Variants in ARHGEF18 observed in about 807,000 individuals in gnomAD.
ARHGEF18 encodes Rho/Rac guanine nucleotide exchange factor 18.
In ARHGEF18, 93 loss-of-function variants were observed where a neutral mutation model predicts 155.7. The ratio of observed to expected loss-of-function variants is 0.60; its 90% CI spans 0.50 to 0.71. The LOEUF (loss-of-function observed/expected upper bound fraction) is 0.71. ARHGEF18 is among the 30% of genes least tolerant of loss of function. ARHGEF18 has a pLI of 0.00. For synonymous variants in ARHGEF18, 742 were observed against 753.1 expected (o/e 0.99, Z 0.24); for missense variants, 1,593 against 1,816.1 (o/e 0.88, Z 2.23).
rs11329734 is a variant in ARHGEF18 at position 7,446,895 on chromosome 19, C to CAA, written c.1612-133_1612-132dup. ...TGAGCCACAGAGCAAGATGCTGTCT[C>CAA]AAAAAAAAAAAAAAAAGAAGAAGAA... On this transcript the variant is annotated intron_variant, in intron 14 of 28. Transcript: ENST00000668164. 2,855 of 701,954 alleles carry CAA rather than the reference C, an allele frequency of 4.1e-3. 2 individuals carry two copies. The highest frequency in any genetic ancestry group is 9.8e-3 in the African/African-American group (313 of 31,798). 43.5% of individuals were successfully genotyped at this position (701,954 alleles called of 1,614,324 possible).
intron 10 of ARHGEF18, among the ~76,000 whole-genome samples, chr19:7,404,950 C>T (rs1013901761): frequency 4.7e-5 from 7 of 148,642 alleles, no homozygotes; most frequent in African/African-American, 1.6e-4. Context: ...GCGACAGACT[C>T]GGGTGCTTTA....
intron 20 of ARHGEF18, 48 bp downstream of exon 20, chr19:7,460,042 G>T: frequency 6.5e-7 from 1 of 1,534,346 alleles, no homozygotes; most frequent in South Asian, 1.2e-5. Context: ...GGTGAGCCCT[G>T]GGCCCTCCAT....
At chr19:7,373,789 A>T in intron 3 of ARHGEF18, among the ~76,000 whole-genome samples, 1 of 149,666 alleles carries the variant, frequency 6.7e-6, no homozygotes. Flanking sequence ...TCTCATAAGG[A>T]GTGTGCAACC....
At chr19:7,424,544 C>T (rs988986577) in intron 10 of ARHGEF18, among the ~76,000 whole-genome samples, 6 of 152,120 alleles carry the variant, frequency 3.9e-5, no homozygotes, top group South Asian at 2.1e-4. Flanking sequence ...TCTATAGCAA[C>T]GTGAAATACT....
At chr19:7,449,641 CAG>C (rs1242848685) in intron 15 of ARHGEF18, among the ~76,000 whole-genome samples, 3 of 152,016 alleles carry the variant, frequency 2.0e-5, no homozygotes, top group African/African-American at 7.3e-5. Context: ...GACAGCTTGA[CAG>C]ATGATTTCCA....
downstream of ARHGEF18, chr19:7,477,242 G>A (rs376621423): frequency 3.5e-4 from 546 of 1,558,832 alleles, 1 homozygote; most frequent in Non-Finnish European, 4.1e-4. Context: ...GGCCCGGGCC[G>A]CCTGGTACAT....
At chr19:7,414,381 A>G (rs1237983938) in intron 10 of ARHGEF18, among the ~76,000 whole-genome samples, 2 of 152,080 alleles carry the variant, frequency 1.3e-5, no homozygotes, top group African/African-American at 4.8e-5. Context: ...AAGTCATAAT[A>G]ATACTAGTTT....
In ARHGEF18 at chr19:7,389,041, G is replaced by A. The variant is rs1037484711; in HGVS notation, c.967+5838G>A. 2.2e-4 allele frequency among the ~76,000 whole-genome samples: 33 copies of A among 150,886 alleles called. 1 individual carries two copies. The highest frequency in any genetic ancestry group is 7.6e-4 in the African/African-American group (31 of 41,040). ...CACTCTGTTGCCCAGGCTGGAGTGCGGTGGCACGATCACAGCTTACTGCAG... is the reference window on the plus strand; with the variant it reads ...CACTCTGTTGCCCAGGCTGGAGTGCAGTGGCACGATCACAGCTTACTGCAG... On this transcript the variant is annotated intron_variant, in intron 10 of 28. Coordinates refer to ENST00000668164, the MANE Select transcript of ARHGEF18 (RefSeq NM_001367823.1).
chr19:7,357,337 T>A (rs1969349574), intron 1 of ARHGEF18, among the ~76,000 whole-genome samples: 1 of 152,198 alleles, frequency 6.6e-6, no homozygotes, highest in African/African-American at 2.4e-5. Flanking sequence ...GTTCTGTCCC[T>A]CTTGTGGCTG....
intron 20 of ARHGEF18, among the ~76,000 whole-genome samples, chr19:7,460,223 C>G (rs371128001): frequency 4.2e-4 from 64 of 152,188 alleles, no homozygotes; most frequent in African/African-American, 1.4e-3. Context: ...GGGAGGAGAG[C>G]CCAGAGGACC....
At chr19:7,350,760 TGG>T (rs1321920804) in intron 1 of ARHGEF18, among the ~76,000 whole-genome samples, 13 of 132,424 alleles carry the variant, frequency 9.8e-5, no homozygotes, top group East Asian at 6.8e-4. Context: ...TTGAGTTTTT[TGG>T]GGTGGGTGTG....
At chr19:7,447,265 C>A (rs1485111826) in intron 15 of ARHGEF18, 97 bp downstream of exon 15, 1 of 1,189,092 alleles carries the variant, frequency 8.4e-7, no homozygotes, top group Non-Finnish European at 1.2e-6. Context: ...CTGAGGCGGG[C>A]GGATCACAAG....
the ARHGEF18 span, chr19:7,478,309 C>G: frequency 6.2e-7 from 1 of 1,610,498 alleles, no homozygotes; most frequent in Non-Finnish European, 8.5e-7. Flanking sequence ...ATCACGGGCT[C>G]CTACCTGGTG....
At chr19:7,377,312 C>T (rs949468020) in intron 5 of ARHGEF18, among the ~76,000 whole-genome samples, 10 of 152,028 alleles carry the variant, frequency 6.6e-5, no homozygotes, top group Admixed American at 2.6e-4. Flanking sequence ...CTCTAGTGAT[C>T]GGCCCGCCTC....
At chr19:7,443,773 G>C (rs1974819647) in intron 13 of ARHGEF18, among the ~76,000 whole-genome samples, 1 of 152,032 alleles carries the variant, frequency 6.6e-6, no homozygotes, top group Admixed American at 6.6e-5. Context: ...GCGTGGTGGT[G>C]TGCACCTGTA....
At position 7,440,461 on chromosome 19, in the gene ARHGEF18, C is replaced by A; in HGVS notation, c.1085C>A (p.Ala362Asp). ...GGTCCCCAGCCAACACCGAGCCCGG[C>A]TGGCCCTGGGACGCAACTCGGGTAA... ...KGGPQPTPSP[A>D]GPGTQLGPIT... is the part of the protein sequence containing the mutation. Residue 362 changes from alanine to aspartate, a missense_variant, in exon 11 of 29, where the codon GCT (alanine) becomes GAT (aspartate). Transcript: ENST00000668164. The surrounding 1 kb of genome is among the most constrained non-coding windows in gnomAD (Gnocchi z 5.4). 1 of 1,599,450 alleles carries A rather than the reference C, an allele frequency of 6.3e-7. No homozygotes were observed. Among genetic ancestry groups the A allele is most frequent in the East Asian group, 2.2e-5 (1 of 44,860 alleles).
intron 10 of ARHGEF18, among the ~76,000 whole-genome samples, chr19:7,404,265 T>C (rs1010619829): frequency 6.6e-6 from 1 of 152,118 alleles, no homozygotes; most frequent in African/African-American, 2.4e-5. Context: ...GTGTTCATTG[T>C]TGATCCCTTC....
rs1568264590 is a variant in ARHGEF18 at position 7,362,050 on chromosome 19, AAGG to A, written c.-110-728_-110-726del. Among the ~76,000 whole-genome samples the A allele has an allele frequency of 2.0e-3, 77 of 39,230 alleles. 6 individuals are homozygous for A. The East Asian group carries it at 0.021, about 10-fold the overall frequency. 25.7% of individuals were successfully genotyped at this position (39,230 alleles called of 152,430 possible). Reference sequence around the variant, plus strand: ...GAAGGAGAAGGAGAAGGAGAAGGAGAAGGAGAAGGAGAAGGAGAAGGAGAAGGA... The same window carrying A: ...GAAGGAGAAGGAGAAGGAGAAGGAGAAGAAGGAGAAGGAGAAGGAGAAGGA... On this transcript the variant is annotated intron_variant, in intron 1 of 28. Coordinates refer to ENST00000668164, the MANE Select transcript of ARHGEF18 (RefSeq NM_001367823.1).
intron 10 of ARHGEF18, among the ~76,000 whole-genome samples, chr19:7,422,370 C>T (rs773182309): frequency 6.6e-6 from 1 of 151,418 alleles, no homozygotes; most frequent in Admixed American, 6.6e-5. Flanking sequence ...CCGCCCCGCG[C>T]AGCCTTCTGT....
Sources: gnomAD v4.1 joint callset for allele counts (sites outside exome capture counted in the v4.1 genomes callset) on GRCh38, gnomAD v4.1.1 for gene constraint, Gnocchi (gnomAD v3.1) non-coding constraint, MANE v1.5 for transcripts, NCBI Gene and HGNC (gene_info 2026-07-23, HGNC 2026-07-21) for gene names.